PANX1: variants seen among roughly 807,000 people sequenced by gnomAD.
The protein encoded by PANX1 is pannexin-1.
Under a neutral mutation model 38.7 loss-of-function variants are expected in PANX1, and 30 were observed. That is an observed-to-expected ratio of 0.78 (90% CI 0.58 to 1.05). The LOEUF is 1.05. Among genes scored for constraint, PANX1 ranks in the 50% least tolerant of loss-of-function variants. PANX1 has a pLI of 0.00. For synonymous variants in PANX1, 230 were observed against 212.2 expected, an observed-to-expected ratio of 1.08 and a Z score of -0.73; for missense variants, 551 against 517.2, an observed-to-expected ratio of 1.07 and a Z score of -0.63.
chr11:94,180,063 A>G lies in PANX1; in HGVS notation c.1007A>G (p.Glu336Gly). The G allele has an allele frequency of 6.2e-7, 1 of 1,612,604 alleles. No homozygotes were observed. Among genetic ancestry groups the G allele is most frequent in the Non-Finnish European group, 8.5e-7 (1 of 1,179,072 alleles). Residue 336 changes from glutamate (E) to glycine (G), a missense_variant, in exon 4 of 5, where the codon GAG (glutamate) becomes GGG (glycine). Coordinates refer to ENST00000227638, the MANE Select transcript of PANX1 (RefSeq NM_015368.4). ...TTGAGCCTCTACAATCTCTTCTTGG[A>G]GGAAAATATAAGTGAGGTCAAGTCA... is the stretch of plus-strand genomic sequence containing the variant. ...NDLSLYNLFL[E>G]ENISEVKSYK...
intron 1 of PANX1, among the ~76,000 whole-genome samples, chr11:94,136,812 C>G (rs761267519): frequency 6.6e-6 from 1 of 152,088 alleles, no homozygotes; most frequent in Non-Finnish European, 1.5e-5. Context: ...TTAGGCAGCT[C>G]TCACATTGCT....
chr11:94,179,626 C>CTT lies in PANX1; in HGVS notation c.571_572dup (p.Lys192SerfsTer10), dbSNP rs1284223924. On this transcript the variant is annotated frameshift_variant, in exon 4 of 5. Coordinates refer to ENST00000227638, the MANE Select transcript of PANX1 (RefSeq NM_015368.4). LOFTEE classifies it high-confidence loss of function. ...GTTTGTGGGAGGTATCTGAAAGCCA[C>CTT]TTCAAGTACCCAATTGTGGAGCAGT... The CTT allele has an allele frequency of 6.2e-7, 1 of 1,613,628 alleles. No homozygotes were observed. Among genetic ancestry groups the CTT allele is most frequent in the Admixed American group, 1.7e-5 (1 of 60,002 alleles).
intron 1 of PANX1, among the ~76,000 whole-genome samples, chr11:94,144,674 A>T (rs1467456074): frequency 6.6e-6 from 1 of 152,200 alleles, no homozygotes; most frequent in Non-Finnish European, 1.5e-5. Context: ...CTGGCCTGGC[A>T]TTCCACAGTG....
intron 2 of PANX1, among the ~76,000 whole-genome samples, chr11:94,168,827 ATC>A (rs1947131633): frequency 6.6e-6 from 1 of 151,638 alleles, no homozygotes; most frequent in South Asian, 2.1e-4. Context: ...TGGGAAGTGC[ATC>A]TTTTCTAAGA....
chr11:94,174,720 A>G (rs1333455117), intron 2 of PANX1, among the ~76,000 whole-genome samples: 1 of 151,588 alleles, frequency 6.6e-6, no homozygotes, highest in Non-Finnish European at 1.5e-5. Context: ...GAATTTACCC[A>G]TCTGCACTTA....
chr11:94,138,084 T>G (rs1946722097), intron 1 of PANX1, among the ~76,000 whole-genome samples: 1 of 151,998 alleles, frequency 6.6e-6, no homozygotes, highest in South Asian at 2.1e-4. Flanking sequence ...ATAATTCTAA[T>G]TACAAGGTCA....
At chr11:94,137,112 T>C (rs1229063203) in intron 1 of PANX1, among the ~76,000 whole-genome samples, 1 of 152,128 alleles carries the variant, frequency 6.6e-6, no homozygotes, top group African/African-American at 2.4e-5. Context: ...GAGACCATCC[T>C]GGCCAACGTG....
intron 1 of PANX1, among the ~76,000 whole-genome samples, chr11:94,135,318 G>C (rs970451821): frequency 3.3e-5 from 5 of 152,380 alleles, no homozygotes; most frequent in Middle Eastern, 6.8e-3. Context: ...GCCAGCCCCA[G>C]TGAGTCAAAG....
intron 2 of PANX1, among the ~76,000 whole-genome samples, chr11:94,160,472 T>C (rs1947013212): frequency 6.6e-6 from 1 of 152,196 alleles, no homozygotes; most frequent in African/African-American, 2.4e-5. Context: ...CCCTTTCACA[T>C]TATGTAATGG....
In PANX1 at chr11:94,129,503, G is replaced by T. The variant is rs371580391; in HGVS notation, c.181+10G>T. The T allele has an allele frequency of 8.1e-6, 13 of 1,601,074 alleles. No individual in the cohort carries two copies. Among genetic ancestry groups the T allele is most frequent in the Non-Finnish European group, 1.0e-5 (12 of 1,171,308 alleles). ...CAGGAGATCTCGATTGGTAAGCCTCGCCCAGGACGGAGGGGAGTGGCCGCC... is the reference window on the plus strand; with the variant it reads ...CAGGAGATCTCGATTGGTAAGCCTCTCCCAGGACGGAGGGGAGTGGCCGCC... On this transcript the variant is annotated intron_variant, in intron 1 of 4. Coordinates refer to ENST00000227638, the MANE Select transcript of PANX1 (RefSeq NM_015368.4).
chr11:94,168,967 A>T (rs1947133543), intron 2 of PANX1, among the ~76,000 whole-genome samples: 1 of 151,702 alleles, frequency 6.6e-6, no homozygotes, highest in Non-Finnish European at 1.5e-5. Flanking sequence ...CACCTTCATG[A>T]CACTTGAAGA....
chr11:94,129,862 T>G lies in PANX1; in HGVS notation c.181+369T>G, dbSNP rs527833194. 1.7e-3 allele frequency among the ~76,000 whole-genome samples: 258 copies of G among 152,322 alleles called. 1 individual carries two copies. The highest frequency in any genetic ancestry group is 5.8e-3 in the African/African-American group (242 of 41,570). On this transcript the variant is annotated intron_variant, in intron 1 of 4. Transcript: ENST00000227638. ...ATATTTGTCCAGCCGCCTAAAATTTTACACCAGAGAAGTTCCTGAGTGGCT... is the reference window on the plus strand; with the variant it reads ...ATATTTGTCCAGCCGCCTAAAATTTGACACCAGAGAAGTTCCTGAGTGGCT...
chr11:94,128,862 T>G lies in PANX1; in HGVS notation c.-451T>G. ...CTGGGTACTTGGTTTCCCCGCATGG[T>G]TCCGGAAGAGCGCGGCGCAGCTGGC... On this transcript the variant is annotated 5_prime_UTR_variant, in exon 1 of 5. Transcript: ENST00000227638. The G allele has an allele frequency of 6.5e-6, 1 of 153,150 alleles. No homozygotes were observed. Among genetic ancestry groups the G allele is most frequent in the Non-Finnish European group, 1.5e-5 (1 of 68,702 alleles). The allele number at this position is 153,150 out of a possible 1,614,324, so 9.5% of individuals were successfully genotyped here.
At chr11:94,170,837 G>C (rs1432771083) in intron 2 of PANX1, among the ~76,000 whole-genome samples, 1 of 151,726 alleles carries the variant, frequency 6.6e-6, no homozygotes, top group Non-Finnish European at 1.5e-5. Flanking sequence ...GTCACCTGCT[G>C]ATGAGCTGCA....
At chr11:94,144,502 A>G (rs1250958019) in intron 1 of PANX1, among the ~76,000 whole-genome samples, 1 of 152,128 alleles carries the variant, frequency 6.6e-6, no homozygotes, top group Non-Finnish European at 1.5e-5. Context: ...CACACAGAGT[A>G]GCCTTAGGCG....
intron 1 of PANX1, among the ~76,000 whole-genome samples, chr11:94,137,151 A>G (rs574792932): frequency 6.9e-4 from 105 of 152,044 alleles, no homozygotes; most frequent in Non-Finnish European, 1.3e-3. Flanking sequence ...TTAAAATACA[A>G]AAATTAGCTG....
intron 2 of PANX1, among the ~76,000 whole-genome samples, chr11:94,169,008 A>T (rs540656570): frequency 6.6e-6 from 1 of 151,666 alleles, no homozygotes; most frequent in Non-Finnish European, 1.5e-5. Flanking sequence ...TTTGGAGGAA[A>T]ATCAAAGAGT....
rs545026365 is a variant in PANX1 at position 94,180,673 on chromosome 11, C to T, written c.1202-117C>T. The stretch of plus-strand genomic sequence containing the variant: ...AAGTTTATTGATTCTTTTAGTTAGG[C>T]CAAGAAGCAAAACATGGTATAGACT... On this transcript the variant is annotated intron_variant, in intron 4 of 4. Transcript: ENST00000227638. 3.0e-5 allele frequency: 18 copies of T among 609,100 alleles called. No homozygotes were observed. In the East Asian group the frequency reaches 4.6e-4, roughly 16 times the overall value. The allele number at this position is 609,100 out of a possible 1,614,324, so 37.7% of individuals were successfully genotyped here.
chr11:94,177,832 C>G (rs918160209), intron 2 of PANX1, among the ~76,000 whole-genome samples: 1 of 151,908 alleles, frequency 6.6e-6, no homozygotes, highest in African/African-American at 2.4e-5. Flanking sequence ...TCTGTGAATT[C>G]AACTGCTTAT....
Sources: gnomAD v4.1 joint callset for allele counts (sites outside exome capture counted in the v4.1 genomes callset) on GRCh38, gnomAD v4.1.1 for gene constraint, MANE v1.5 for transcripts, NCBI Gene and HGNC (gene_info 2026-07-23, HGNC 2026-07-21) for gene names.